MTCL1: variants seen among roughly 807,000 people sequenced by gnomAD.
MTCL1 encodes the protein microtubule cross-linking factor 1.
A neutral mutation model predicts 141.4 loss-of-function variants in MTCL1; 79 were observed. The observed-to-expected ratio is 0.56, with a 90% CI of 0.47 to 0.67. The LOEUF is 0.67. Ranked by LOEUF, MTCL1 falls within the 30% of genes least tolerant of loss-of-function variation. The probability of loss-of-function intolerance (pLI) is 0.00; values close to 1 mark genes in which losing one functional copy is unlikely to be tolerated. For synonymous variants in MTCL1, 914 were observed against 875.8 expected, an observed-to-expected ratio of 1.04 and a Z score of -0.77; for missense variants, 2,177 against 2,113.9, an observed-to-expected ratio of 1.03 and a Z score of -0.59.
intron 7 of MTCL1, chr18:8,789,392 A>G (rs1297959154): frequency 1.0e-6 from 1 of 984,316 alleles, no homozygotes; most frequent in East Asian, 1.1e-4. Flanking sequence ...ATAGAGGAGT[A>G]GCATTGCTAG....
intron 14 of MTCL1, among the ~76,000 whole-genome samples, chr18:8,821,935 A>G (rs2076858738): frequency 6.6e-6 from 1 of 152,230 alleles, no homozygotes; most frequent in South Asian, 2.1e-4. Flanking sequence ...AAGAAGATAT[A>G]TAGTGGTTGA....
At chr18:8,751,828 G>A (rs966890468) in intron 4 of MTCL1, among the ~76,000 whole-genome samples, 2 of 152,184 alleles carry the variant, frequency 1.3e-5, no homozygotes, top group African/African-American at 4.8e-5. Flanking sequence ...TGGAGCCGTG[G>A]GATTCGCTTG....
At chr18:8,706,301 A>G in exon 1 of MTCL1, 2 of 1,229,912 alleles carry the variant, frequency 1.6e-6, no homozygotes, top group Non-Finnish European at 2.0e-6. Context: ...GACCTCTCTG[A>G]CTGCCCCTCC....
intron 4 of MTCL1, among the ~76,000 whole-genome samples, chr18:8,738,503 C>G (rs1417068133): frequency 1.3e-5 from 2 of 152,136 alleles, no homozygotes; most frequent in African/African-American, 2.4e-5. Context: ...CCAATGGACA[C>G]CAATAATTTA....
chr18:8,713,035 C>T (rs1408641975), upstream of MTCL1, among the ~76,000 whole-genome samples: 2 of 152,104 alleles, frequency 1.3e-5, no homozygotes, highest in African/African-American at 4.8e-5. Flanking sequence ...ATTATATATT[C>T]ATGGATAAAA....
chr18:8,792,084 T>G lies in MTCL1; in HGVS notation c.1888-914T>G, dbSNP rs139899914. Among the ~76,000 whole-genome samples the G allele has an allele frequency of 7.2e-3, 1,093 of 152,280 alleles. 18 individuals are homozygous for G. Among genetic ancestry groups the G allele is most frequent in the African/African-American group, 0.025 (1,040 of 41,550 alleles). Reference sequence around the variant, plus strand: ...TCCTCAGGGAGAAGTAGTAGATAAGTTAAAGGGACTCAGAATGAACCAGTG... The same window carrying G: ...TCCTCAGGGAGAAGTAGTAGATAAGGTAAAGGGACTCAGAATGAACCAGTG... On this transcript the variant is annotated intron_variant, in intron 7 of 16. Coordinates refer to ENST00000359865, the Ensembl canonical transcript of MTCL1.
At chr18:8,718,424 G>T in exon 3 of MTCL1, 1 of 1,614,014 alleles carries the variant, frequency 6.2e-7, no homozygotes, top group Non-Finnish European at 8.5e-7. Context: ...ATTTGCATAG[G>T]ATGAGTTAGA....
intron 4 of MTCL1, among the ~76,000 whole-genome samples, chr18:8,751,940 C>T (rs1177028629): frequency 6.6e-6 from 1 of 152,202 alleles, no homozygotes; most frequent in Non-Finnish European, 1.5e-5. Context: ...CTGCAGACTG[C>T]ACTTTCACTT....
exon 17 of MTCL1, chr18:8,832,069 C>A: frequency 1.0e-5 from 5 of 502,176 alleles, no homozygotes; most frequent in Non-Finnish European, 1.4e-5. Context: ...GTATATTAAA[C>A]GAAAAGGTAA....
At chr18:8,723,588 A>G (rs758334350) in intron 4 of MTCL1, among the ~76,000 whole-genome samples, 2 of 152,102 alleles carry the variant, frequency 1.3e-5, no homozygotes, top group African/African-American at 4.8e-5. Flanking sequence ...CTGAAGCCCT[A>G]GACTGTTTTC....
At position 8,793,245 on chromosome 18, in the gene MTCL1, G is replaced by C. The variant is rs79598647; in HGVS notation, c.2010+125G>C. 3,696 of 1,315,490 alleles carry C rather than the reference G, an allele frequency of 2.8e-3. 91 individuals carry two copies. In the African/African-American group the frequency reaches 0.048, roughly 17 times the overall value. The allele number at this position is 1,315,490 out of a possible 1,614,324, so 81.5% of individuals were successfully genotyped here. Reference sequence around the variant, plus strand: ...TACAGGCTGCTAGACTCCTGGGCACGTATGGAAAGGTCACCCAGTCAAGCT... The same window carrying C: ...TACAGGCTGCTAGACTCCTGGGCACCTATGGAAAGGTCACCCAGTCAAGCT... On this transcript the variant is annotated intron_variant, in intron 8 of 16. Transcript: ENST00000359865.
chr18:8,730,941 G>A (rs563162199), intron 4 of MTCL1, among the ~76,000 whole-genome samples: 27 of 152,276 alleles, frequency 1.8e-4, no homozygotes, highest in Non-Finnish European at 1.5e-5. Flanking sequence ...CACTGTGCTT[G>A]CTGCTTTTCT....
intron 4 of MTCL1, among the ~76,000 whole-genome samples, chr18:8,731,168 CCGGG>C (rs1372992076): frequency 6.6e-6 from 1 of 151,976 alleles, no homozygotes. Flanking sequence ...TGGCGTGAAC[CCGGG>C]AGTCAGAGCT....
exon 6 of MTCL1, chr18:8,784,100 G>T (rs754384106): frequency 6.2e-7 from 1 of 1,613,384 alleles, no homozygotes; most frequent in African/African-American, 1.3e-5. Flanking sequence ...TGGTGCCGGG[G>T]GTGGGGCCCC....
Position 8,740,850 on chromosome 18 carries a change from G to T in MTCL1, c.357+20354G>T, listed in dbSNP as rs7243076. The stretch of plus-strand genomic sequence containing the variant: ...GACTCTAGGCTTCCTGAGGGCAGGG[G>T]CTGTGTGGTATTCCTTGTGGAATCC... On this transcript the variant is annotated intron_variant, in intron 4 of 16. Transcript: ENST00000359865. 8.8e-3 allele frequency among the ~76,000 whole-genome samples: 1,337 copies of T among 152,324 alleles called. 14 individuals carry two copies. The highest frequency in any genetic ancestry group is 0.03 in the African/African-American group (1,249 of 41,558).
rs752174168 is a variant in MTCL1 at position 8,812,671 on chromosome 18, C to T, written c.2605-308C>T. 1.3e-4 allele frequency among the ~76,000 whole-genome samples: 20 copies of T among 152,106 alleles called. No individual in the cohort carries two copies. The East Asian group carries it at 1.7e-3, about 13-fold the overall frequency. ...CATATAGGAGCTAAGGATATAGGGA[C>T]GGACATGGTACCTGCCCACAAGCAG... On this transcript the variant is annotated intron_variant, in intron 11 of 16. Transcript: ENST00000359865.
chr18:8,718,430 T>C (rs1319629791), exon 3 of MTCL1: 6 of 1,614,036 alleles, frequency 3.7e-6, no homozygotes, highest in Non-Finnish European at 5.1e-6. Flanking sequence ...ATAGGATGAG[T>C]TAGATGAACT....
chr18:8,708,343 A>C (rs1313796190), intron 1 of MTCL1, among the ~76,000 whole-genome samples: 1 of 152,202 alleles, frequency 6.6e-6, no homozygotes, highest in African/African-American at 2.4e-5. Flanking sequence ...TCTTGGTGCA[A>C]CTGGTTATTT....
At chr18:8,813,016 G>C in exon 12 of MTCL1, 3 of 1,614,068 alleles carry the variant, frequency 1.9e-6, no homozygotes, top group South Asian at 1.1e-5. Flanking sequence ...GGAGAACTAG[G>C]CTCCTCCGCT....
Sources: allele counts gnomAD v4.1 joint callset (sites outside exome capture counted in the v4.1 genomes callset), GRCh38; gene constraint gnomAD v4.1.1; transcripts MANE v1.5; gene names NCBI Gene and HGNC (gene_info 2026-07-23, HGNC 2026-07-21).